Variants in KAZN observed in about 807,000 individuals in gnomAD.
KAZN encodes the protein kazrin.
A neutral mutation model predicts 87.4 loss-of-function variants in KAZN; 40 were observed. The ratio of observed to expected loss-of-function variants is 0.46; its 90% confidence interval spans 0.36 to 0.60. The LOEUF is 0.60. KAZN is among the 20% of genes least tolerant of loss of function. The pLI, the probability that KAZN is intolerant of heterozygous loss-of-function variation, is 0.00. For missense variants in KAZN, 898 were observed against 1,073.9 expected, an observed-to-expected ratio of 0.84 and a Z score of 2.29; for synonymous variants, 466 against 458.3, an observed-to-expected ratio of 1.02 and a Z score of -0.22.
chr1:14,828,342 C>A (rs527822442), intron 1 of KAZN, among the ~76,000 whole-genome samples: 2 of 152,168 alleles, frequency 1.3e-5, no homozygotes, highest in Non-Finnish European at 2.9e-5. Flanking sequence ...TATTTTCGTC[C>A]TATTTTATTT....
chr1:14,901,654 T>C (rs1390779520), intron 1 of KAZN, among the ~76,000 whole-genome samples: 12 of 152,150 alleles, frequency 7.9e-5, no homozygotes, highest in Admixed American at 7.9e-4. Context: ...TTCCAGATAC[T>C]TTTTGGAGGT....
intron 2 of KAZN, among the ~76,000 whole-genome samples, chr1:14,286,578 C>T (rs1368995807): frequency 6.6e-6 from 1 of 152,208 alleles, no homozygotes; most frequent in African/African-American, 2.4e-5. Context: ...TTATTACACA[C>T]TATCTACAAC....
At position 14,694,755 on chromosome 1, in the gene KAZN, G is replaced by A. The variant is rs548783824; in HGVS notation, c.226+95532G>A. Among the ~76,000 whole-genome samples, 39 of 152,276 alleles carry A rather than the reference G, an allele frequency of 2.6e-4. No homozygotes were observed. The South Asian group carries it at 7.7e-3, about 30-fold the overall frequency. On this transcript the variant is annotated intron_variant, in intron 1 of 14. Transcript: ENST00000376030. Reference sequence around the variant, plus strand: ...TCAGTTTTCTCCTCTGTAAAATGGGGCTAATAATGGTGCCCTTCTTACAGA... The same window carrying A: ...TCAGTTTTCTCCTCTGTAAAATGGGACTAATAATGGTGCCCTTCTTACAGA...
At chr1:14,553,437 C>A (rs1673668524) in intron 2 of KAZN, among the ~76,000 whole-genome samples, 1 of 152,184 alleles carries the variant, frequency 6.6e-6, no homozygotes, top group Admixed American at 6.5e-5. Context: ...CATGTTCCGC[C>A]CCATGCAAGT....
In KAZN at chr1:14,244,092, C is replaced by G. The variant is rs181488147; in HGVS notation, c.249+63500C>G. Reference sequence around the variant, plus strand: ...AGAAAAATTATCATTAAACATCACCCGCCATGTGGCTTCTGTTAAAACAAA... The same window carrying G: ...AGAAAAATTATCATTAAACATCACCGGCCATGTGGCTTCTGTTAAAACAAA... On this transcript the variant is annotated intron_variant, in intron 2 of 16. Transcript: ENST00000636203. 6.6e-5 allele frequency among the ~76,000 whole-genome samples: 10 copies of G among 152,306 alleles called. No individual in the cohort carries two copies. In the East Asian group the frequency reaches 1.2e-3, roughly 18 times the overall value.
At chr1:14,609,681 G>T (rs1013423093) in intron 1 of KAZN, among the ~76,000 whole-genome samples, 1 of 152,168 alleles carries the variant, frequency 6.6e-6, no homozygotes, top group Non-Finnish European at 1.5e-5. Context: ...CCTGGGAAGC[G>T]CTACAGTCTC....
At chr1:14,883,325 AG>A (rs1653567692) in intron 1 of KAZN, among the ~76,000 whole-genome samples, 1 of 39,624 alleles carries the variant, frequency 2.5e-5, no homozygotes, top group African/African-American at 6.3e-5. Context: ...AGAAAGAGAG[AG>A]AGAGAGAGAG....
At chr1:14,301,291 G>A (rs1654535434) in intron 2 of KAZN, among the ~76,000 whole-genome samples, 1 of 152,218 alleles carries the variant, frequency 6.6e-6, no homozygotes, top group African/African-American at 2.4e-5. Context: ...CACGGTAGAG[G>A]AGAGTTTGAT....
rs36034022 is a variant in KAZN, at chr1:14,467,674, CAAAAAA to C, written c.250-131293_250-131288del. Among the ~76,000 whole-genome samples, 17 of 77,344 alleles carry C rather than the reference CAAAAAA, an allele frequency of 2.2e-4. No individual in the cohort carries two copies. In the East Asian group the frequency reaches 3.0e-3, roughly 13 times the overall value. 50.7% of individuals were successfully genotyped at this position (77,344 alleles called of 152,430 possible). ...ATGCCTGATTCATGTATCCAAAAGG[CAAAAAA>C]AAAAAAAAAAAAAAAGTAGACTTTA... On this transcript the variant is annotated intron_variant, in intron 2 of 16. Transcript: ENST00000636203.
chr1:15,096,087 T>G lies in KAZN; in HGVS notation c.1547+1154T>G, dbSNP rs1640794829. On this transcript the variant is annotated intron_variant, in intron 10 of 14. Transcript: ENST00000376030. The surrounding 1 kb of genome is among the most constrained non-coding windows in gnomAD (Gnocchi z 4.5). ...AAACACCTTACACCCAGCACCCACC[T>G]CCTAACCAGTTCCATCCAGGAATCC... Among the ~76,000 whole-genome samples, 2 of 152,056 alleles carry G rather than the reference T, an allele frequency of 1.3e-5. No homozygotes were observed. The highest frequency in any genetic ancestry group is 2.9e-5 in the Non-Finnish European group (2 of 68,004).
chr1:14,463,940 G>T (rs1156493467), intron 2 of KAZN, among the ~76,000 whole-genome samples: 1 of 152,210 alleles, frequency 6.6e-6, no homozygotes, highest in Non-Finnish European at 1.5e-5. Context: ...ATTCTGGGAA[G>T]TTTCATTCTG....
intron 1 of KAZN, among the ~76,000 whole-genome samples, chr1:14,810,428 T>C (rs1646370747): frequency 6.6e-6 from 1 of 152,114 alleles, no homozygotes; most frequent in Non-Finnish European, 1.5e-5. Flanking sequence ...CGTTGTGGCA[T>C]CCTCAGCCCC....
At chr1:15,018,044 C>G (rs577693511) in intron 2 of KAZN, among the ~76,000 whole-genome samples, 1 of 152,220 alleles carries the variant, frequency 6.6e-6, no homozygotes, top group East Asian at 1.9e-4. Context: ...TGGCTTCCCC[C>G]CAGCCTGCAA....
intron 2 of KAZN, among the ~76,000 whole-genome samples, chr1:14,406,931 C>T (rs555071076): frequency 3.3e-5 from 5 of 152,238 alleles, no homozygotes; most frequent in African/African-American, 1.2e-4. Flanking sequence ...AGCTGCTGTA[C>T]ATAAAGTGCA....
intron 1 of KAZN, among the ~76,000 whole-genome samples, chr1:14,602,712 A>G (rs1214600686): frequency 1.3e-5 from 2 of 152,242 alleles, no homozygotes; most frequent in South Asian, 2.1e-4. Context: ...TTGCTTTGCT[A>G]TGCATAGAAC....
At chr1:14,355,474 C>T (rs912115853) in intron 2 of KAZN, among the ~76,000 whole-genome samples, 2 of 151,744 alleles carry the variant, frequency 1.3e-5, no homozygotes, top group South Asian at 2.1e-4. Flanking sequence ...ATGTGCAGAA[C>T]GTGCAGGTTT....
intron 2 of KAZN, among the ~76,000 whole-genome samples, chr1:14,272,061 G>A (rs1176105393): frequency 1.3e-5 from 2 of 152,240 alleles, no homozygotes; most frequent in Non-Finnish European, 2.9e-5. Context: ...AGCACCTAAA[G>A]TGTTTATAGA....
At chr1:14,640,842 T>C (rs191530214) in intron 1 of KAZN, among the ~76,000 whole-genome samples, 1 of 152,304 alleles carries the variant, frequency 6.6e-6, no homozygotes, top group Admixed American at 6.5e-5. Context: ...AGGTCTCAGA[T>C]TCAGCGCCTC....
chr1:14,636,655 C>G (rs1680011452), intron 1 of KAZN, among the ~76,000 whole-genome samples: 1 of 152,150 alleles, frequency 6.6e-6, no homozygotes, highest in African/African-American at 2.4e-5. Flanking sequence ...ACTGAGGCAG[C>G]CTGATGCATG....
Sources: gnomAD v4.1 joint callset for allele counts (sites outside exome capture counted in the v4.1 genomes callset) on GRCh38, gnomAD v4.1.1 for gene constraint, Gnocchi (gnomAD v3.1) non-coding constraint, MANE v1.5 for transcripts, NCBI Gene and HGNC (gene_info 2026-07-23, HGNC 2026-07-21) for gene names.